AKR1D1: variants seen among roughly 807,000 people sequenced by gnomAD.
AKR1D1 encodes the protein aldo-keto reductase family 1 member D1, also known as delta(4)-3-ketosteroid 5-beta-reductase.
A neutral mutation model predicts 42.6 loss-of-function variants in AKR1D1; 32 were observed. The observed-to-expected ratio is 0.75, with a 90% CI of 0.57 to 1.01. AKR1D1 has a LOEUF of 1.01. Among genes scored for constraint, AKR1D1 ranks in the 50% least tolerant of loss-of-function variants. The pLI, the probability that AKR1D1 is intolerant of heterozygous loss-of-function variation, is 0.00. For synonymous variants in AKR1D1, 123 were observed against 135.5 expected (o/e 0.91, Z 0.64); for missense variants, 364 against 402.2 (o/e 0.91, Z 0.81).
chr7:138,100,370 C>G (rs1794273120), intron 4 of AKR1D1, among the ~76,000 whole-genome samples: 1 of 151,896 alleles, frequency 6.6e-6, no homozygotes, highest in Non-Finnish European at 1.5e-5. Flanking sequence ...GGATATAAAC[C>G]AAGTCCCACT....
rs776172643 is a variant in AKR1D1 at position 138,105,423 on chromosome 7, C to T, written c.573C>T (p.Ser191=). The change falls in exon 5 of 9, where the codon AGC becomes AGT. Residue 191 remains serine (S), a synonymous_variant. Transcript: ENST00000242375. ...NKPGLKHKPV[S]NQVECHPYFT... ...CAGGACTCAAACACAAGCCAGTCAG[C>T]AACCAGGTACAGCCTAATAGCTTCC... is the stretch of plus-strand genomic sequence containing the variant. The T allele has an allele frequency of 6.2e-7, 1 of 1,613,944 alleles. No homozygotes were observed. Among genetic ancestry groups the T allele is most frequent in the South Asian group, 1.1e-5 (1 of 91,072 alleles).
rs1794397966 is a variant in AKR1D1 at position 138,105,295 on chromosome 7, T to C, written c.457-12T>C. ...AGGCTTGTTTGTTGACCTGTGGACA[T>C]TTACTCTACAGGCGATGGAAGCTTG... On this transcript the variant is annotated splice_polypyrimidine_tract_variant and intron_variant, in intron 4 of 8. Transcript: ENST00000242375. The C allele has an allele frequency of 1.9e-6, 3 of 1,614,010 alleles. No homozygotes were observed. The African/African-American group carries it at 4.0e-5, about 22-fold the overall frequency.
At chr7:138,093,375 C>A (rs978708748) in intron 3 of AKR1D1, among the ~76,000 whole-genome samples, 4 of 152,158 alleles carry the variant, frequency 2.6e-5, no homozygotes, top group African/African-American at 9.7e-5. Context: ...AAAACACAAA[C>A]ATGTTGTACA....
chr7:138,114,514 G>A lies in AKR1D1; in HGVS notation c.938+742G>A, dbSNP rs180835865. 7.9e-5 allele frequency among the ~76,000 whole-genome samples: 12 copies of A among 151,900 alleles called. 2 individuals are homozygous for A. The highest frequency in any genetic ancestry group is 6.8e-3 in the Middle Eastern group (2 of 292). On this transcript the variant is annotated intron_variant, in intron 8 of 8. Transcript: ENST00000242375. Reference sequence around the variant, plus strand: ...GTCTCTACTAAAAATACAAAAATTAGCTGGGTGTAGTGGCAGTTGCCTGTA... The same window carrying A: ...GTCTCTACTAAAAATACAAAAATTAACTGGGTGTAGTGGCAGTTGCCTGTA...
chr7:138,102,387 G>A (rs749205831), intron 4 of AKR1D1, among the ~76,000 whole-genome samples: 4 of 152,014 alleles, frequency 2.6e-5, no homozygotes, highest in Non-Finnish European at 5.9e-5. Flanking sequence ...GGGGAACACT[G>A]AGACCCCGTC....
Position 138,117,699 on chromosome 7 carries a change from A to G in AKR1D1, c.*1037A>G, listed in dbSNP as rs1454994963. The G allele has an allele frequency of 1.3e-5, 2 of 152,234 alleles. No individual in the cohort carries two copies. The highest frequency in any genetic ancestry group is 4.8e-5 in the African/African-American group (2 of 41,470). The allele number at this position is 152,234 out of a possible 1,614,324, so 9.4% of individuals were successfully genotyped here. A position where few individuals can be genotyped will look rare whatever the true frequency, so the allele number is the denominator to read the frequency against. On this transcript the variant is annotated 3_prime_UTR_variant, in exon 9 of 9. Coordinates refer to ENST00000242375, the MANE Select transcript of AKR1D1 (RefSeq NM_005989.4). Reference sequence around the variant, plus strand: ...ATTATTAGAATTCAGCAATAGAGATATATCTATTTTCAATTCAACTACAGA... The same window carrying G: ...ATTATTAGAATTCAGCAATAGAGATGTATCTATTTTCAATTCAACTACAGA...
intron 1 of AKR1D1, among the ~76,000 whole-genome samples, chr7:138,088,389 G>C (rs1029748254): frequency 1.3e-4 from 20 of 152,124 alleles, no homozygotes; most frequent in Non-Finnish European, 5.9e-5. Context: ...GGGCAGACCT[G>C]GGACAGATGG....
chr7:138,086,647 T>C (rs954306394), intron 1 of AKR1D1, among the ~76,000 whole-genome samples: 2 of 152,212 alleles, frequency 1.3e-5, no homozygotes, highest in Non-Finnish European at 2.9e-5. Context: ...AGAAATACAT[T>C]TCAGATTTAT....
chr7:138,091,617 C>T, intron 2 of AKR1D1, 151 bp from the exon 3 acceptor site: 2 of 654,060 alleles, frequency 3.1e-6, no homozygotes, highest in Non-Finnish European at 5.5e-6. Flanking sequence ...ATCGCTTGAG[C>T]CCAGGAGTTA....
chr7:138,110,725 C>T (rs965784819), intron 7 of AKR1D1, among the ~76,000 whole-genome samples: 2 of 151,922 alleles, frequency 1.3e-5, no homozygotes, highest in South Asian at 2.1e-4. Flanking sequence ...AGCACTCCAG[C>T]CTGGATGACA....
chr7:138,102,621 C>T (rs1024349556), intron 4 of AKR1D1, among the ~76,000 whole-genome samples: 2 of 152,086 alleles, frequency 1.3e-5, no homozygotes, highest in African/African-American at 4.8e-5. Context: ...TATTATACAA[C>T]TATTAGAATC....
At chr7:138,081,734 G>A (rs1803063188) in intron 1 of AKR1D1, among the ~76,000 whole-genome samples, 1 of 151,584 alleles carries the variant, frequency 6.6e-6, no homozygotes, top group Non-Finnish European at 1.5e-5. Context: ...TCACCAAGAT[G>A]GCCATGCCCA....
At chr7:138,092,528 G>A (rs1315827864) in intron 3 of AKR1D1, among the ~76,000 whole-genome samples, 1 of 152,156 alleles carries the variant, frequency 6.6e-6, no homozygotes, top group African/African-American at 2.4e-5. Flanking sequence ...ACAAACCGAG[G>A]TGGTAAGGTT....
intron 8 of AKR1D1, 87 bp from the exon 9 acceptor site, chr7:138,116,533 C>A: frequency 7.3e-7 from 1 of 1,377,666 alleles, no homozygotes; most frequent in South Asian, 1.2e-5. Flanking sequence ...GGGTAGTGGT[C>A]AGTGAAATTC....
chr7:138,086,664 G>T (rs148121827), intron 1 of AKR1D1, among the ~76,000 whole-genome samples: 2 of 152,086 alleles, frequency 1.3e-5, no homozygotes, highest in African/African-American at 4.8e-5. Flanking sequence ...TTATTCTCTC[G>T]CTCAGCCTAC....
intron 8 of AKR1D1, among the ~76,000 whole-genome samples, chr7:138,115,557 G>A (rs1045783370): frequency 6.6e-5 from 10 of 151,704 alleles, no homozygotes; most frequent in African/African-American, 2.4e-4. Context: ...TAGCAACTTC[G>A]GGGAAAAAAA....
chr7:138,112,703 A>G (rs1220708335), intron 7 of AKR1D1, among the ~76,000 whole-genome samples: 1 of 151,740 alleles, frequency 6.6e-6, no homozygotes, highest in African/African-American at 2.4e-5. Flanking sequence ...ATATTTATGT[A>G]CTACTTATAT....
intron 4 of AKR1D1, among the ~76,000 whole-genome samples, chr7:138,100,743 C>T (rs929161526): frequency 2.4e-5 from 3 of 126,790 alleles, no homozygotes; most frequent in African/African-American, 6.2e-5. Context: ...CTCGCTCTGC[C>T]GCCCAGGCTG....
At chr7:138,081,660 C>T (rs1393730868) in intron 1 of AKR1D1, among the ~76,000 whole-genome samples, 1 of 151,906 alleles carries the variant, frequency 6.6e-6, no homozygotes, top group African/African-American at 2.4e-5. Flanking sequence ...TCCTGAGTAG[C>T]TGGGACTACA....
Sources: allele counts gnomAD v4.1 joint callset (sites outside exome capture counted in the v4.1 genomes callset), GRCh38; gene constraint gnomAD v4.1.1; transcripts MANE v1.5; gene names NCBI Gene and HGNC (gene_info 2026-07-23, HGNC 2026-07-21).